The following GGNBP2 variants were observed in gnomAD, a reference collection of about 807,000 sequenced individuals.
GGNBP2 encodes gametogenetin binding protein 2.
In GGNBP2, 10 loss-of-function variants were observed where a neutral mutation model predicts 85.9. The ratio of observed to expected loss-of-function variants is 0.12; its 90% confidence interval spans 0.07 to 0.20. GGNBP2 has a LOEUF of 0.20. GGNBP2 is among the 10% of genes least tolerant of loss of function. The pLI is 1.00. For synonymous variants in GGNBP2, 287 were observed against 285.7 expected, an observed-to-expected ratio of 1.00 and a Z score of -0.05; for missense variants, 595 against 857.8, an observed-to-expected ratio of 0.69 and a Z score of 3.83.
intron 9 of GGNBP2, among the ~76,000 whole-genome samples, chr17:36,584,798 G>C (rs964062484): frequency 2.0e-5 from 3 of 151,954 alleles, no homozygotes; most frequent in African/African-American, 7.2e-5. Context: ...CTCTACAAAG[G>C]AATAAAAAAA....
At chr17:36,558,843 T>G (rs2074389381) in intron 4 of GGNBP2, among the ~76,000 whole-genome samples, 1 of 152,028 alleles carries the variant, frequency 6.6e-6, no homozygotes, top group South Asian at 2.1e-4. Flanking sequence ...GAAATCTGGC[T>G]TACTTTGACC....
rs10544073 is a variant in GGNBP2 at position 36,556,751 on chromosome 17, C to CTTTTTT, written c.175-308_175-303dup. Among the ~76,000 whole-genome samples, 26 of 52,856 alleles carry CTTTTTT rather than the reference C, an allele frequency of 4.9e-4. 1 individual carries two copies. Among genetic ancestry groups the CTTTTTT allele is most frequent in the South Asian group, 9.2e-4 (1 of 1,088 alleles). The allele number at this position is 52,856 out of a possible 152,430, so 34.7% of individuals were successfully genotyped here. A position where few individuals can be genotyped will look rare whatever the true frequency, so the allele number is the denominator to read the frequency against. ...AAAAAAAAGGTACAGCTGTATTGTG[C>CTTTTTT]TTTTTTTTTTTTTTTTTTTTTTTTT... On this transcript the variant is annotated intron_variant, in intron 3 of 13. Transcript: ENST00000613102.
At chr17:36,545,944 CTT>C (rs2074249970) in intron 2 of GGNBP2, 127 bp downstream of exon 2, 1 of 655,832 alleles carries the variant, frequency 1.5e-6, no homozygotes, top group South Asian at 2.0e-5. Context: ...GAGGCCTTCT[CTT>C]CAGCAGGCCC....
intron 4 of GGNBP2, among the ~76,000 whole-genome samples, chr17:36,559,656 C>G (rs891339877): frequency 1.3e-5 from 2 of 152,038 alleles, no homozygotes; most frequent in Non-Finnish European, 2.9e-5. Context: ...ATCACTGTAG[C>G]TGCTGAGTGA....
At chr17:36,552,133 G>T (rs575874078) in intron 2 of GGNBP2, among the ~76,000 whole-genome samples, 1 of 152,134 alleles carries the variant, frequency 6.6e-6, no homozygotes, top group Admixed American at 6.6e-5. Flanking sequence ...ATAAATCAAG[G>T]TATTAGTTAC....
chr17:36,586,517 T>C, intron 12 of GGNBP2: 4 of 335,402 alleles, frequency 1.2e-5, no homozygotes, highest in Non-Finnish European at 2.2e-5. Flanking sequence ...TGAATGTATA[T>C]TGGCAGGTGT....
chr17:36,545,811 C>G lies in GGNBP2; in HGVS notation c.87C>G (p.Thr29=). ...RRQIPLYIDD[T]LTMVMEFPDN... is the part of the protein sequence containing the mutation. The stretch of plus-strand genomic sequence containing the variant: ...AGATTCCCCTCTACATAGACGACAC[C>G]CTGACGGTGAGCGGGCCGGGCCGGG... Residue 29 remains threonine, a synonymous_variant, in exon 2 of 14, where the codon ACC becomes ACG. Transcript: ENST00000613102. The G allele has an allele frequency of 1.9e-6, 3 of 1,557,314 alleles. No individual in the cohort carries two copies. Among genetic ancestry groups the G allele is most frequent in the African/African-American group, 1.4e-5 (1 of 73,304 alleles).
chr17:36,553,653 A>G (rs187939354), intron 2 of GGNBP2, among the ~76,000 whole-genome samples: 14 of 152,314 alleles, frequency 9.2e-5, no homozygotes, highest in Middle Eastern at 3.4e-3. Context: ...TTATGTGGCA[A>G]TGTGGAAATA....
intron 2 of GGNBP2, chr17:36,547,120 G>A (rs910405667): frequency 2.6e-5 from 4 of 152,194 alleles, no homozygotes; most frequent in Admixed American, 2.0e-4. Flanking sequence ...TAGAAATTGT[G>A]TGTCTTGATT....
rs762563542 is a variant in GGNBP2 at position 36,557,083 on chromosome 17, C to A, written c.175C>A (p.Arg59=). 2 of 1,613,858 alleles carry A rather than the reference C, an allele frequency of 1.2e-6. No individual in the cohort carries two copies. The highest frequency in any genetic ancestry group is 8.5e-7 in the Non-Finnish European group (1 of 1,179,854). Residue 59 remains arginine (R), a splice_region_variant and synonymous_variant, in exon 4 of 14, where the codon CGA becomes AGA. Coordinates refer to ENST00000613102, the MANE Select transcript of GGNBP2 (RefSeq NM_024835.5). ...CTTTCATTTTCTTTCCCTCTTTCAG[C>A]GACATGGTATGCTTAAGCAACAGGA... ...NGAQLKQFIQ[R]HGMLKQQDLS...
Position 36,554,724 on chromosome 17 carries a change from A to G in GGNBP2, c.94-96A>G, listed in dbSNP as rs1005433133. 4.7e-6 allele frequency: 4 copies of G among 843,374 alleles called. No homozygotes were observed. The East Asian group carries it at 9.7e-5, about 20-fold the overall frequency. 52.2% of individuals were successfully genotyped at this position (843,374 alleles called of 1,614,324 possible). A position where few individuals can be genotyped will look rare whatever the true frequency, so the allele number is the denominator to read the frequency against. On this transcript the variant is annotated intron_variant, in intron 2 of 13. Transcript: ENST00000613102. ...TTTTGAGGGGCTAGGGATGGGTGCA[A>G]ATCTGGCTTTCACGGGTCTATTTCT...
At chr17:36,586,254 T>C in intron 12 of GGNBP2, 56 bp downstream of exon 12, 1 of 1,562,072 alleles carries the variant, frequency 6.4e-7, no homozygotes, top group South Asian at 1.2e-5. Context: ...AGAACACGTG[T>C]TTTCCTTGGA....
chr17:36,549,349 C>T (rs772871213), intron 2 of GGNBP2, among the ~76,000 whole-genome samples: 5 of 152,094 alleles, frequency 3.3e-5, no homozygotes, highest in Admixed American at 1.3e-4. Flanking sequence ...ATTACAAGTG[C>T]GTGTCACCAC....
intron 2 of GGNBP2, among the ~76,000 whole-genome samples, chr17:36,548,659 T>A (rs2074278650): frequency 8.9e-6 from 1 of 112,522 alleles, no homozygotes; most frequent in South Asian, 3.0e-4. Context: ...AAAAGTAGCC[T>A]TAGGCCCGGT....
chr17:36,549,571 C>A (rs1034711771), intron 2 of GGNBP2, among the ~76,000 whole-genome samples: 1 of 152,138 alleles, frequency 6.6e-6, no homozygotes, highest in South Asian at 2.1e-4. Context: ...AGTCATGCTT[C>A]TCAGGGATAA....
intron 6 of GGNBP2, among the ~76,000 whole-genome samples, chr17:36,573,665 A>G (rs1463796459): frequency 6.6e-6 from 1 of 152,098 alleles, no homozygotes; most frequent in Non-Finnish European, 1.5e-5. Flanking sequence ...CAATTTCTTC[A>G]CATCCTCAGT....
chr17:36,549,350 G>A (rs527835397), intron 2 of GGNBP2, among the ~76,000 whole-genome samples: 11 of 152,114 alleles, frequency 7.2e-5, no homozygotes, highest in South Asian at 4.1e-4. Flanking sequence ...TTACAAGTGC[G>A]TGTCACCACG....
intron 8 of GGNBP2, among the ~76,000 whole-genome samples, chr17:36,579,905 G>A (rs2074629056): frequency 6.6e-6 from 1 of 152,122 alleles, no homozygotes; most frequent in South Asian, 2.1e-4. Flanking sequence ...AGCTACTTGG[G>A]AGGCTGAGAC....
chr17:36,586,849 C>T lies in GGNBP2; in HGVS notation c.1642-148C>T, dbSNP rs931452430. ...GGCCAGGCTGGTCTTGAACACTTGACCTCAGGTGATCCACCTGCCTCGGCC... is the reference window on the plus strand; with the variant it reads ...GGCCAGGCTGGTCTTGAACACTTGATCTCAGGTGATCCACCTGCCTCGGCC... On this transcript the variant is annotated intron_variant, in intron 12 of 13. Transcript: ENST00000613102. The T allele has an allele frequency of 8.3e-6, 6 of 721,424 alleles. No individual in the cohort carries two copies. The Admixed American group carries it at 1.8e-4, about 21-fold the overall frequency. 44.7% of individuals were successfully genotyped at this position (721,424 alleles called of 1,614,324 possible).
Sources: gnomAD v4.1 joint callset for allele counts (sites outside exome capture counted in the v4.1 genomes callset) on GRCh38, gnomAD v4.1.1 for gene constraint, MANE v1.5 for transcripts, NCBI Gene and HGNC (gene_info 2026-07-23, HGNC 2026-07-21) for gene names.